Variants in MARCHF6 observed in about 807,000 individuals in gnomAD.
MARCHF6 encodes the protein membrane associated ring-CH-type finger 6.
MARCHF6 carries 31 observed loss-of-function variants against 133.7 expected under a neutral mutation model. That is an observed-to-expected ratio of 0.23 (90% CI 0.17 to 0.31). The LOEUF (loss-of-function observed/expected upper bound fraction) is 0.31, where lower values mean the gene tolerates loss of function less well. MARCHF6 is among the 10% of genes least tolerant of loss of function. MARCHF6 has a pLI of 1.00. For missense variants in MARCHF6, 723 were observed against 1,121.6 expected, an observed-to-expected ratio of 0.64 and a Z score of 5.08; for synonymous variants, 395 against 402.5, an observed-to-expected ratio of 0.98 and a Z score of 0.22.
chr5:10,364,804 T>G (rs1379543231), intron 1 of MARCHF6, among the ~76,000 whole-genome samples: 1 of 152,192 alleles, frequency 6.6e-6, no homozygotes, highest in African/African-American at 2.4e-5. Flanking sequence ...CTCTGCTTCT[T>G]CTTTATTTTT....
intron 1 of MARCHF6, among the ~76,000 whole-genome samples, chr5:10,369,747 A>G (rs1192774558): frequency 6.6e-6 from 1 of 152,058 alleles, no homozygotes; most frequent in African/African-American, 2.4e-5. Flanking sequence ...TACAGTATGT[A>G]GTCTTTTGAG....
At chr5:10,369,008 GC>G (rs1463094732) in intron 1 of MARCHF6, among the ~76,000 whole-genome samples, 2 of 151,754 alleles carry the variant, frequency 1.3e-5, no homozygotes, top group African/African-American at 4.8e-5. Context: ...AAGTGCTTTT[GC>G]TAACTGTAGT....
chr5:10,381,878 T>C lies in MARCHF6; in HGVS notation c.269T>C (p.Ile90Thr), dbSNP rs1431820918. ...CTGGTTACAAGTATTGGCACTGCAATACGATATTGGTTTCATTATACACTT... is the reference window on the plus strand; with the variant it reads ...CTGGTTACAAGTATTGGCACTGCAACACGATATTGGTTTCATTATACACTT... ...AGLVTSIGTA[I>T]RYWFHYTLVA... The change falls in exon 4 of 26, where the codon ATA becomes ACA. Residue 90 changes from isoleucine to threonine, a missense_variant. Ile to Thr is a moderately conservative substitution (Grantham distance 89, BLOSUM62 -1). Around this residue, in one of 4 missense-constraint regions of MARCHF6, gnomAD observed 91 missense variants for 208.8 expected, o/e 0.44. Transcript: ENST00000274140. 1.2e-6 allele frequency: 2 copies of C among 1,613,164 alleles called. No homozygotes were observed. The highest frequency in any genetic ancestry group is 1.7e-6 in the Non-Finnish European group (2 of 1,179,448).
intron 3 of MARCHF6, 74 bp from the exon 4 acceptor site, chr5:10,381,726 G>A: frequency 4.3e-6 from 5 of 1,171,334 alleles, no homozygotes; most frequent in Non-Finnish European, 6.0e-6. Flanking sequence ...TTTAGTTAAT[G>A]TCTATTTTAT....
intron 7 of MARCHF6, among the ~76,000 whole-genome samples, chr5:10,392,748 C>T (rs1315459363): frequency 3.3e-5 from 5 of 150,304 alleles, no homozygotes; most frequent in Non-Finnish European, 5.9e-5. Flanking sequence ...AGCAAGATTC[C>T]GTCTCAAGAA....
intron 1 of MARCHF6, among the ~76,000 whole-genome samples, chr5:10,374,981 A>G (rs1314377801): frequency 6.6e-6 from 1 of 152,058 alleles, no homozygotes; most frequent in Non-Finnish European, 1.5e-5. Flanking sequence ...AGATTTTGAG[A>G]GGTGACAGCA....
intron 1 of MARCHF6, among the ~76,000 whole-genome samples, chr5:10,358,342 G>A (rs1477176598): frequency 1.3e-5 from 2 of 152,152 alleles, no homozygotes; most frequent in Non-Finnish European, 2.9e-5. Context: ...GTGAGATAGG[G>A]AGCTATGGGA....
At chr5:10,416,113 C>A (rs891605866) in intron 21 of MARCHF6, among the ~76,000 whole-genome samples, 1 of 152,176 alleles carries the variant, frequency 6.6e-6, no homozygotes, top group Non-Finnish European at 1.5e-5. Context: ...ATATTACTTA[C>A]TTAAGGGCCT....
At chr5:10,385,660 TATC>T (rs1470478239) in intron 4 of MARCHF6, among the ~76,000 whole-genome samples, 3 of 152,214 alleles carry the variant, frequency 2.0e-5, no homozygotes, top group South Asian at 2.1e-4. Flanking sequence ...ATCAGCCAGT[TATC>T]ATTCAAATGC....
intron 22 of MARCHF6, among the ~76,000 whole-genome samples, chr5:10,418,869 A>G (rs1739680400): frequency 6.6e-6 from 1 of 152,218 alleles, no homozygotes; most frequent in Non-Finnish European, 1.5e-5. Context: ...GGGGAAGCAC[A>G]AGGAACTGTG....
At chr5:10,423,476 A>G (rs1739931353) in intron 22 of MARCHF6, among the ~76,000 whole-genome samples, 1 of 152,252 alleles carries the variant, frequency 6.6e-6, no homozygotes, top group Non-Finnish European at 1.5e-5. Context: ...ATTAATGACC[A>G]GACTTTCTCT....
rs779941853 is a variant in MARCHF6, at chr5:10,426,560, T to TA, written c.2506+38_2506+39insA. ...GGTTGTGGAGCCTTGAAGGAGCACT[T>TA]TTATTAACATTGGACATTCTCTTTA... On this transcript the variant is annotated intron_variant, in intron 24 of 25. Coordinates refer to ENST00000274140, the MANE Select transcript of MARCHF6 (RefSeq NM_005885.4). The TA allele has an allele frequency of 2.5e-6, 4 of 1,607,552 alleles. No homozygotes were observed. The East Asian group carries it at 6.7e-5, about 27-fold the overall frequency.
intron 1 of MARCHF6, among the ~76,000 whole-genome samples, chr5:10,375,578 C>CA (rs1224684854): frequency 3.3e-5 from 5 of 152,390 alleles, no homozygotes; most frequent in Admixed American, 1.3e-4. Context: ...GCTCCACCTG[C>CA]AGCCCGGGTG....
chr5:10,435,681 ATATATATATAT>A lies in MARCHF6; in HGVS notation c.*1998_*2008del, dbSNP rs1740615710. On this transcript the variant is annotated 3_prime_UTR_variant, in exon 26 of 26. Coordinates refer to ENST00000274140, the MANE Select transcript of MARCHF6 (RefSeq NM_005885.4). ...TATATATATATATATATATATATAT[ATATATATATAT>A]ATATATTTTTTTTTTTTTTTTTTTT... 1 of 5,734 alleles carries A rather than the reference ATATATATATAT, an allele frequency of 1.7e-4. No homozygotes were observed. The highest frequency in any genetic ancestry group is 2.7e-4 in the Non-Finnish European group (1 of 3,680). The allele number at this position is 5,734 out of a possible 1,614,324, so 0.4% of individuals were successfully genotyped here. A position where few individuals can be genotyped will look rare whatever the true frequency, so the allele number is the denominator to read the frequency against.
At position 10,435,450 on chromosome 5, in the gene MARCHF6, T is replaced by C. The variant is rs970321010; in HGVS notation, c.*1766T>C. 6.6e-6 allele frequency: 1 copy of C among 150,668 alleles called. No homozygotes were observed. The highest frequency in any genetic ancestry group is 1.5e-5 in the Non-Finnish European group (1 of 67,704). The allele number at this position is 150,668 out of a possible 1,614,324, so 9.3% of individuals were successfully genotyped here. A position where few individuals can be genotyped will look rare whatever the true frequency, so the allele number is the denominator to read the frequency against. On this transcript the variant is annotated 3_prime_UTR_variant, in exon 26 of 26. Transcript: ENST00000274140. ...TTCAGTGTTATACTCTTTGGCACTT[T>C]AGAGCAGCCTTTTCTCTCATTTGAA... is the stretch of plus-strand genomic sequence containing the variant.
chr5:10,412,088 G>A (rs1739263823), intron 19 of MARCHF6, among the ~76,000 whole-genome samples: 1 of 152,116 alleles, frequency 6.6e-6, no homozygotes. Flanking sequence ...TAATGACATG[G>A]GCTTGTGAGT....
Position 10,436,675 on chromosome 5 carries a change from TTAG to T in MARCHF6, c.*2994_*2996del, listed in dbSNP as rs1401969649. 2.0e-5 allele frequency: 3 copies of T among 152,184 alleles called. No homozygotes were observed. The highest frequency in any genetic ancestry group is 7.2e-5 in the African/African-American group (3 of 41,446). 9.4% of individuals were successfully genotyped at this position (152,184 alleles called of 1,614,324 possible). On this transcript the variant is annotated 3_prime_UTR_variant, in exon 26 of 26. Transcript: ENST00000274140. ...GTATGAAGTGTGCAGTTGTTCATTATTAGTAAATTATGTTTGATTTTTAAACTA... is the reference window on the plus strand; with the variant it reads ...GTATGAAGTGTGCAGTTGTTCATTATTAAATTATGTTTGATTTTTAAACTA...
rs1277685443 is a variant in MARCHF6, at chr5:10,390,386, G to A, written c.462G>A (p.Leu154=). Residue 154 remains leucine (L), a synonymous_variant, in exon 6 of 26, where the codon CTG becomes CTA. Coordinates refer to ENST00000274140, the MANE Select transcript of MARCHF6 (RefSeq NM_005885.4). ...LQGCFVVTCT[L]CAFISLVWLR... ...GTTGTTTTGTGGTGACGTGCACACT[G>A]TGTGCATTCATCAGCCTGGTGTGGT... 1.9e-6 allele frequency: 3 copies of A among 1,613,946 alleles called. No individual in the cohort carries two copies. Among genetic ancestry groups the A allele is most frequent in the Non-Finnish European group, 1.7e-6 (2 of 1,180,002 alleles).
At chr5:10,417,738 A>C (rs1423226390) in intron 22 of MARCHF6, among the ~76,000 whole-genome samples, 1 of 149,806 alleles carries the variant, frequency 6.7e-6, no homozygotes, top group Non-Finnish European at 1.5e-5. Flanking sequence ...AAAAAAAAAA[A>C]GACAAAAGGA....
Sources: allele counts gnomAD v4.1 joint callset (sites outside exome capture counted in the v4.1 genomes callset), GRCh38; gene constraint gnomAD v4.1.1; regional missense constraint gnomAD v4.1.1; transcripts MANE v1.5; gene names NCBI Gene and HGNC (gene_info 2026-07-23, HGNC 2026-07-21).